The following HLCS variants were observed in gnomAD, a reference collection of about 807,000 sequenced individuals.
HLCS encodes biotin--protein ligase.
Under a neutral mutation model 75.0 loss-of-function variants are expected in HLCS, and 53 were observed. The observed-to-expected ratio is 0.71, with a 90% CI of 0.57 to 0.89. HLCS has a LOEUF of 0.89. HLCS is among the 40% of genes least tolerant of loss of function. The pLI is 0.00. For missense variants in HLCS, 966 were observed against 1,074.0 expected, an observed-to-expected ratio of 0.90 and a Z score of 1.41; for synonymous variants, 431 against 428.6, an observed-to-expected ratio of 1.01 and a Z score of -0.07.
At chr21:36,915,634 G>T (rs1205713470) in intron 5 of HLCS, among the ~76,000 whole-genome samples, 1 of 152,194 alleles carries the variant, frequency 6.6e-6, no homozygotes, top group South Asian at 2.1e-4. Flanking sequence ...TCGTTCATAG[G>T]AGAAAAGCAG....
At chr21:36,963,483 C>T (rs770298589) in intron 1 of HLCS, among the ~76,000 whole-genome samples, 35 of 152,156 alleles carry the variant, frequency 2.3e-4, no homozygotes, top group Non-Finnish European at 1.3e-4. Flanking sequence ...CCACTTAGGC[C>T]GGGCGCGGTG....
intron 6 of HLCS, among the ~76,000 whole-genome samples, chr21:36,843,281 AT>A (rs2062678150): frequency 6.6e-6 from 1 of 152,134 alleles, no homozygotes; most frequent in African/African-American, 2.4e-5. Flanking sequence ...TCCACAAAAA[AT>A]AAAAAATTAG....
intron 6 of HLCS, among the ~76,000 whole-genome samples, chr21:36,768,387 T>C (rs1327436430): frequency 1.3e-5 from 2 of 152,036 alleles, no homozygotes; most frequent in Non-Finnish European, 2.9e-5. Context: ...CTTATCATCC[T>C]CCCCTCCCAG....
At chr21:36,777,110 TTC>T (rs1364844191) in intron 6 of HLCS, among the ~76,000 whole-genome samples, 1 of 152,222 alleles carries the variant, frequency 6.6e-6, no homozygotes, top group African/African-American at 2.4e-5. Context: ...AGCTCACTGC[TTC>T]TGTTAGGGTT....
At chr21:36,920,955 G>A (rs778028083) in intron 5 of HLCS, among the ~76,000 whole-genome samples, 13 of 151,640 alleles carry the variant, frequency 8.6e-5, no homozygotes, top group Non-Finnish European at 1.5e-4. Context: ...TGAAACTACT[G>A]TTTGATGTTT....
chr21:36,920,101 G>A lies in HLCS; in HGVS notation c.1620+10150C>T, dbSNP rs117414381. On this transcript the variant is annotated intron_variant, in intron 5 of 10. Coordinates refer to ENST00000674895, the MANE Select transcript of HLCS (RefSeq NM_001352514.2). ...GAGGCCAAGTACTTTGGGAAGCTGAGGCGGAAGAATTGTCTGAGCCCAGAA... is the reference window on the plus strand; with the variant it reads ...GAGGCCAAGTACTTTGGGAAGCTGAAGCGGAAGAATTGTCTGAGCCCAGAA... Among the ~76,000 whole-genome samples the A allele has an allele frequency of 4.8e-3, 727 of 152,258 alleles. 2 individuals are homozygous for A. Among genetic ancestry groups the A allele is most frequent in the Non-Finnish European group, 7.1e-3 (486 of 68,022 alleles).
intron 1 of HLCS, among the ~76,000 whole-genome samples, chr21:36,972,794 T>G (rs1341857079): frequency 6.6e-6 from 1 of 152,206 alleles, no homozygotes; most frequent in African/African-American, 2.4e-5. Context: ...TCTTACTGAG[T>G]TTATGAATAG....
At chr21:36,790,741 C>T (rs1340259919) in intron 6 of HLCS, among the ~76,000 whole-genome samples, 2 of 152,118 alleles carry the variant, frequency 1.3e-5, no homozygotes, top group South Asian at 2.1e-4. Flanking sequence ...AGGCTGTCTG[C>T]CCAGGAAGGC....
At chr21:36,956,207 AG>A (rs948645580) in intron 2 of HLCS, among the ~76,000 whole-genome samples, 1 of 151,972 alleles carries the variant, frequency 6.6e-6, no homozygotes, top group Non-Finnish European at 1.5e-5. Context: ...GAGGAGGGGT[AG>A]GGGGAGTCAT....
intron 6 of HLCS, among the ~76,000 whole-genome samples, chr21:36,839,807 C>T (rs2062555200): frequency 6.6e-6 from 1 of 152,220 alleles, no homozygotes; most frequent in African/African-American, 2.4e-5. Context: ...TCCAACCCAA[C>T]TACATTAACA....
chr21:36,874,786 G>A (rs1324537864), intron 6 of HLCS, among the ~76,000 whole-genome samples: 3 of 152,086 alleles, frequency 2.0e-5, no homozygotes, highest in Non-Finnish European at 2.9e-5. Context: ...CTACCAAGTC[G>A]GCTGGGCAGG....
intron 6 of HLCS, among the ~76,000 whole-genome samples, chr21:36,888,231 G>T (rs537869133): frequency 6.6e-6 from 1 of 151,654 alleles, no homozygotes; most frequent in Admixed American, 6.6e-5. Flanking sequence ...CTCGACTTCA[G>T]GGGAGGAGGG....
chr21:36,874,368 C>CT (rs1241812165), intron 6 of HLCS, among the ~76,000 whole-genome samples: 1 of 150,408 alleles, frequency 6.6e-6, no homozygotes, highest in African/African-American at 2.5e-5. Context: ...CGCCACTGCA[C>CT]TCCAGCCTGA....
intron 6 of HLCS, among the ~76,000 whole-genome samples, chr21:36,771,170 AG>A (rs1254769440): frequency 6.6e-6 from 1 of 152,160 alleles, no homozygotes; most frequent in Non-Finnish European, 1.5e-5. Context: ...CAGTGAGCCA[AG>A]GTTGCACCAC....
At chr21:36,953,310 TC>T (rs1342685682) in intron 2 of HLCS, among the ~76,000 whole-genome samples, 1 of 151,832 alleles carries the variant, frequency 6.6e-6, no homozygotes, top group African/African-American at 2.4e-5. Context: ...CCTTCTCTCT[TC>T]CCCCACTCTG....
At position 36,986,463 on chromosome 21, in the gene HLCS, G is replaced by A. The variant is rs2069231610; in HGVS notation, c.-393+3695C>T. 2.0e-5 allele frequency among the ~76,000 whole-genome samples: 3 copies of A among 152,300 alleles called. No homozygotes were observed. In the South Asian group the frequency reaches 6.2e-4, roughly 32 times the overall value. On this transcript the variant is annotated intron_variant, in intron 1 of 11. Coordinates refer to the HLCS transcript ENST00000336648. ...GAGATGGAGTTTCACTCATTGCCCAGGCTGGAGTGCAATGGTGCGATCTCA... is the reference window on the plus strand; with the variant it reads ...GAGATGGAGTTTCACTCATTGCCCAAGCTGGAGTGCAATGGTGCGATCTCA...
chr21:36,860,618 G>A (rs1160746854), intron 6 of HLCS, among the ~76,000 whole-genome samples: 1 of 152,166 alleles, frequency 6.6e-6, no homozygotes. Flanking sequence ...ATTTTGGAAG[G>A]AGGAGAGGCT....
intron 6 of HLCS, among the ~76,000 whole-genome samples, chr21:36,828,397 ATGAATGAG>A (rs925024516): frequency 2.7e-4 from 40 of 149,270 alleles, no homozygotes; most frequent in Admixed American, 1.3e-3. Context: ...GAATGAATGA[ATGAATGAG>A]TGAATAAATG....
At position 36,752,688 on chromosome 21, in the gene HLCS, C is replaced by A. The variant is rs1376582557; in HGVS notation, c.*1558G>T. ...TGAGAAAAATAATTCTAATTGAAGC[C>A]TCATTTCCAAAAATTACTTTTTAAG... On this transcript the variant is annotated 3_prime_UTR_variant, in exon 11 of 11. Coordinates refer to ENST00000674895, the MANE Select transcript of HLCS (RefSeq NM_001352514.2). 2 of 152,420 alleles carry A rather than the reference C, an allele frequency of 1.3e-5. No homozygotes were observed. Among genetic ancestry groups the A allele is most frequent in the Non-Finnish European group, 2.9e-5 (2 of 68,028 alleles). The allele number at this position is 152,420 out of a possible 1,614,324, so 9.4% of individuals were successfully genotyped here. A position where few individuals can be genotyped will look rare whatever the true frequency, so the allele number is the denominator to read the frequency against.
Sources: gnomAD v4.1 joint callset for allele counts (sites outside exome capture counted in the v4.1 genomes callset) on GRCh38, gnomAD v4.1.1 for gene constraint, MANE v1.5 for transcripts, NCBI Gene and HGNC (gene_info 2026-07-23, HGNC 2026-07-21) for gene names.